The following RPH3AL variants were observed in gnomAD, a reference collection of about 807,000 sequenced individuals.
The protein encoded by RPH3AL is rabphilin 3A like (without C2 domains), also known as rab effector Noc2.
In RPH3AL, 38 loss-of-function variants were observed where a neutral mutation model predicts 43.1. That is an observed-to-expected ratio of 0.88 (90% CI 0.68 to 1.15). RPH3AL has a LOEUF of 1.15. RPH3AL is among the 50% of genes most tolerant of loss of function. The pLI is 0.00. For synonymous variants in RPH3AL, 189 were observed against 176.3 expected, an observed-to-expected ratio of 1.07 and a Z score of -0.57; for missense variants, 462 against 423.2, an observed-to-expected ratio of 1.09 and a Z score of -0.81.
Position 272,212 on chromosome 17 carries a change from C to A in RPH3AL, c.438+9556G>T, listed in dbSNP as rs534545321. On this transcript the variant is annotated intron_variant, in intron 6 of 9. Transcript: ENST00000331302. ...GACAGTGTGGTGATTCCTCAGGGAT[C>A]TAGAACTAGAAATACCATTTGACCC... Among the ~76,000 whole-genome samples the A allele has an allele frequency of 7.9e-4, 120 of 152,242 alleles. 1 individual carries two copies. Among genetic ancestry groups the A allele is most frequent in the African/African-American group, 2.7e-3 (113 of 41,548 alleles).
intron 1 of RPH3AL, among the ~76,000 whole-genome samples, chr17:343,301 C>G (rs1393046089): frequency 6.6e-6 from 1 of 152,176 alleles, no homozygotes; most frequent in Admixed American, 6.5e-5. Flanking sequence ...ACATTCAGCT[C>G]TCTGAGTTCA....
intron 5 of RPH3AL, among the ~76,000 whole-genome samples, chr17:296,898 G>A (rs1203414394): frequency 2.6e-5 from 4 of 152,210 alleles, no homozygotes; most frequent in Admixed American, 2.0e-4. Flanking sequence ...GGCCTCTTGG[G>A]GGTCTCCAGA....
chr17:328,770 G>A lies in RPH3AL; in HGVS notation c.-36-1191C>T, dbSNP rs908810819. 1.3e-5 allele frequency among the ~76,000 whole-genome samples: 2 copies of A among 152,164 alleles called. No homozygotes were observed. Among genetic ancestry groups the A allele is most frequent in the South Asian group, 4.1e-4 (2 of 4,834 alleles). On this transcript the variant is annotated intron_variant, in intron 2 of 9. Transcript: ENST00000331302. The surrounding 1 kb of genome is among the most constrained non-coding windows in gnomAD (Gnocchi z 4.2). The stretch of plus-strand genomic sequence containing the variant: ...ACAATGGATTATTATTATTTACAAT[G>A]GAGTATGATTTACAATGGATTATTA...
chr17:310,360 G>A (rs2043612549), intron 5 of RPH3AL, among the ~76,000 whole-genome samples: 2 of 152,076 alleles, frequency 1.3e-5, no homozygotes, highest in South Asian at 4.1e-4. Flanking sequence ...TGTAGCTGCT[G>A]AACGCTGCCA....
intron 7 of RPH3AL, among the ~76,000 whole-genome samples, chr17:235,832 A>G (rs1360612432): frequency 1.4e-4 from 17 of 122,978 alleles, no homozygotes; most frequent in South Asian, 2.8e-4. Flanking sequence ...CCGAGGCTCT[A>G]CACTAACAAG....
intron 3 of RPH3AL, among the ~76,000 whole-genome samples, chr17:324,779 G>A (rs2044577395): frequency 6.6e-6 from 1 of 151,526 alleles, no homozygotes; most frequent in South Asian, 2.1e-4. Context: ...AGGCTGGAGT[G>A]CAATGGCACA....
Position 212,871 on chromosome 17 carries a change from G to A in RPH3AL, c.*981C>T, listed in dbSNP as rs575527534. On this transcript the variant is annotated 3_prime_UTR_variant, in exon 10 of 10. Coordinates refer to ENST00000331302, the MANE Select transcript of RPH3AL (RefSeq NM_006987.4). ...GCACCTGAACGCTGCTCTTCAGCAAGTGAGTTCATAGCATCCACCAGAGCT... is the reference window on the plus strand; with the variant it reads ...GCACCTGAACGCTGCTCTTCAGCAAATGAGTTCATAGCATCCACCAGAGCT... 2 of 152,128 alleles carry A rather than the reference G, an allele frequency of 1.3e-5. No individual in the cohort carries two copies. Among genetic ancestry groups the A allele is most frequent in the Admixed American group, 1.3e-4 (2 of 15,276 alleles). The allele number at this position is 152,128 out of a possible 1,614,324, so 9.4% of individuals were successfully genotyped here.
chr17:230,054 G>A lies in RPH3AL; in HGVS notation c.614-10318C>T, dbSNP rs1268126439. On this transcript the variant is annotated intron_variant, in intron 7 of 9. Transcript: ENST00000331302. Reference sequence around the variant, plus strand: ...GGAGAGGACATGGTACCTGGGGAGCGCTGCTTCCTTGGTCCCCCTTCCAGG... The same window carrying A: ...GGAGAGGACATGGTACCTGGGGAGCACTGCTTCCTTGGTCCCCCTTCCAGG... Among the ~76,000 whole-genome samples the A allele has an allele frequency of 2.6e-5, 4 of 152,300 alleles. No individual in the cohort carries two copies. In the East Asian group the frequency reaches 5.8e-4, roughly 22 times the overall value.
chr17:307,469 C>T (rs112339795), intron 5 of RPH3AL, among the ~76,000 whole-genome samples: 2,120 of 152,298 alleles, frequency 0.014, 56 homozygotes, highest in African/African-American at 0.048. Context: ...ACGCTCATCC[C>T]TGCCTTCTAC....
chr17:267,051 C>T (rs1217571769), intron 6 of RPH3AL, among the ~76,000 whole-genome samples: 1 of 152,236 alleles, frequency 6.6e-6, no homozygotes, highest in African/African-American at 2.4e-5. Flanking sequence ...TGCATCATCT[C>T]TCACGTCACC....
In RPH3AL at chr17:281,689, C is replaced by G. The variant is rs1047627540; in HGVS notation, c.438+79G>C. 4 of 703,478 alleles carry G rather than the reference C, an allele frequency of 5.7e-6. No individual in the cohort carries two copies. In the African/African-American group the frequency reaches 6.7e-5, roughly 12 times the overall value. The allele number at this position is 703,478 out of a possible 1,614,324, so 43.6% of individuals were successfully genotyped here. ...GCCCGCCCAGCCCTCCCCACCGTCA[C>G]CCTGACCGTCCACCCATCCCCATCT... On this transcript the variant is annotated intron_variant, in intron 6 of 9. Coordinates refer to ENST00000331302, the MANE Select transcript of RPH3AL (RefSeq NM_006987.4).
Position 213,542 on chromosome 17 carries a change from C to T in RPH3AL, c.*310G>A, listed in dbSNP as rs141235031. ...CTGACACTGCATGTGGGAAACCCCC[C>T]AGCCCAACCCAAGACACGCGCAAAC... On this transcript the variant is annotated 3_prime_UTR_variant, in exon 10 of 10. Coordinates refer to ENST00000331302, the MANE Select transcript of RPH3AL (RefSeq NM_006987.4). The T allele has an allele frequency of 9.3e-5, 45 of 483,812 alleles. No homozygotes were observed. In the East Asian group the frequency reaches 1.3e-3, roughly 14 times the overall value. The allele number at this position is 483,812 out of a possible 1,614,324, so 30.0% of individuals were successfully genotyped here. A position where few individuals can be genotyped will look rare whatever the true frequency, so the allele number is the denominator to read the frequency against.
chr17:219,613 C>T lies in RPH3AL; in HGVS notation c.727+10G>A. 1.3e-6 allele frequency: 2 copies of T among 1,521,774 alleles called. No individual in the cohort carries two copies. The highest frequency in any genetic ancestry group is 1.8e-6 in the Non-Finnish European group (2 of 1,124,414). The allele number at this position is 1,521,774 out of a possible 1,614,324, so 94.3% of individuals were successfully genotyped here. ...CCGGCCAATAAGCAGCATTTCACTC[C>T]CCACCTTACCTGACTCCTTCCAGGG... is the stretch of plus-strand genomic sequence containing the variant. On this transcript the variant is annotated intron_variant, in intron 8 of 9. Transcript: ENST00000331302.
intron 7 of RPH3AL, among the ~76,000 whole-genome samples, chr17:235,994 C>T (rs1009778489): frequency 6.7e-6 from 1 of 150,292 alleles, no homozygotes; most frequent in Non-Finnish European, 1.5e-5. Context: ...ACTAACAAGA[C>T]GGGTCCATGG....
chr17:261,483 C>T (rs1555546208), intron 6 of RPH3AL, among the ~76,000 whole-genome samples: 1 of 152,180 alleles, frequency 6.6e-6, no homozygotes, highest in African/African-American at 2.4e-5. Context: ...TTCCCTGTCC[C>T]CAGAGCTCTG....
At position 345,738 on chromosome 17, in the gene RPH3AL, C is replaced by T. The variant is rs539057227; in HGVS notation, c.-213+6974G>A. Among the ~76,000 whole-genome samples the T allele has an allele frequency of 2.6e-3, 325 of 124,018 alleles. 73 individuals carry two copies. Among genetic ancestry groups the T allele is most frequent in the Non-Finnish European group, 4.4e-3 (241 of 54,254 alleles). 81.4% of individuals were successfully genotyped at this position (124,018 alleles called of 152,430 possible). A position where few individuals can be genotyped will look rare whatever the true frequency, so the allele number is the denominator to read the frequency against. On this transcript the variant is annotated intron_variant, in intron 1 of 9. Coordinates refer to ENST00000331302, the MANE Select transcript of RPH3AL (RefSeq NM_006987.4). ...TGCGTGCATACCCTACTGGGGCACG[C>T]GTGCTCCCCATCTGCGTGCACACCC...
intron 7 of RPH3AL, among the ~76,000 whole-genome samples, chr17:235,847 G>C (rs956835381): frequency 2.0e-5 from 2 of 100,392 alleles, no homozygotes; most frequent in African/African-American, 7.2e-5. Context: ...AACAAGACAG[G>C]TCCCGGGTTC....
intron 2 of RPH3AL, chr17:332,834 C>T: frequency 2.5e-6 from 1 of 393,842 alleles, no homozygotes; most frequent in Non-Finnish European, 4.5e-6. Flanking sequence ...CCGGGCGACA[C>T]ACGCTGAGCA....
intron 5 of RPH3AL, among the ~76,000 whole-genome samples, chr17:319,071 A>G (rs1006156712): frequency 3.3e-5 from 5 of 152,240 alleles, no homozygotes; most frequent in Non-Finnish European, 7.3e-5. Context: ...TATCACGACC[A>G]CATATTACAG....
Sources: gnomAD v4.1 joint callset for allele counts (sites outside exome capture counted in the v4.1 genomes callset) on GRCh38, gnomAD v4.1.1 for gene constraint, Gnocchi (gnomAD v3.1) non-coding constraint, MANE v1.5 for transcripts, NCBI Gene and HGNC (gene_info 2026-07-23, HGNC 2026-07-21) for gene names.